WDR91: variants seen among roughly 807,000 people sequenced by gnomAD.
WDR91 encodes WD repeat-containing protein 91.
WDR91 carries 52 observed loss-of-function variants against 88.4 expected under a neutral mutation model. The ratio of observed to expected loss-of-function variants is 0.59; its 90% CI spans 0.47 to 0.74. The LOEUF (loss-of-function observed/expected upper bound fraction) is 0.74. Ranked by LOEUF, WDR91 falls within the 30% of genes least tolerant of loss-of-function variation. The probability of loss-of-function intolerance (pLI) is 0.00; values close to 1 mark genes in which losing one functional copy is unlikely to be tolerated. For synonymous variants in WDR91, 362 were observed against 389.5 expected (o/e 0.93, Z 0.83); for missense variants, 824 against 954.5 (o/e 0.86, Z 1.80).
At position 135,198,112 on chromosome 7, in the gene WDR91, C is replaced by G. The variant is rs764956783; in HGVS notation, c.931G>C (p.Gly311Arg). The change falls in exon 7 of 15, where the codon GGG becomes CGG. Residue 311 changes from glycine to arginine, a missense_variant. By Grantham distance (125) the Gly-to-Arg change is moderately radical. Coordinates refer to ENST00000354475, the MANE Select transcript of WDR91 (RefSeq NM_014149.4). ...GKDPTSGAKD[G>R]KSLLSGLATG... ...GCCAGCCCGCTGAGGAGGCTCTTCCCATCCTTGGCTCCGGACGTCGGGTCC... is the reference window on the plus strand; with the variant it reads ...GCCAGCCCGCTGAGGAGGCTCTTCCGATCCTTGGCTCCGGACGTCGGGTCC... 1.4e-4 allele frequency: 222 copies of G among 1,613,684 alleles called. No homozygotes were observed. The highest frequency in any genetic ancestry group is 1.8e-4 in the Non-Finnish European group (216 of 1,179,774).
In WDR91 at chr7:135,189,414, G is replaced by C. The variant is rs992305737; in HGVS notation, c.1698C>G (p.Asn566Lys). The change falls in exon 12 of 15, where the codon AAC (asparagine) becomes AAG (lysine). Residue 566 changes from asparagine (N) to lysine (K), a missense_variant. By Grantham distance (94) the Asn-to-Lys change is moderately conservative. Coordinates refer to ENST00000354475, the MANE Select transcript of WDR91 (RefSeq NM_014149.4). ...TCCCGTTGTGATTGAAGGCTGTACAGTTGATAGCAATGGGTTCTGGATCCA... is the reference window on the plus strand; with the variant it reads ...TCCCGTTGTGATTGAAGGCTGTACACTTGATAGCAATGGGTTCTGGATCCA... ...FSLDPEPIAINCTAFNHNGNL... is the reference protein window; with the variant it reads ...FSLDPEPIAIKCTAFNHNGNL... 1.2e-6 allele frequency: 2 copies of C among 1,613,888 alleles called. No individual in the cohort carries two copies. The highest frequency in any genetic ancestry group is 1.7e-6 in the Non-Finnish European group (2 of 1,179,888).
intron 14 of WDR91, among the ~76,000 whole-genome samples, chr7:135,186,526 G>T (rs1177159917): frequency 6.6e-6 from 1 of 152,192 alleles, no homozygotes; most frequent in African/African-American, 2.4e-5. Flanking sequence ...TCCCTGAGCG[G>T]CTCCTTAAAA....
chr7:135,187,127 C>G lies in WDR91; in HGVS notation c.1924G>C (p.Glu642Gln). ...GTGGCATCTGAGGGGAGGCTGTACT[C>G]GGATACCTTGAGGCCACTCTTGTGG... ...NIHKSGLKVS[E>Q]YSLPSDATGP... is the part of the protein sequence containing the mutation. Residue 642 changes from glutamate to glutamine, a missense_variant, in exon 14 of 15, where the codon GAG (glutamate) becomes CAG (glutamine). Coordinates refer to ENST00000354475, the MANE Select transcript of WDR91 (RefSeq NM_014149.4). The G allele has an allele frequency of 1.2e-6, 2 of 1,614,238 alleles. No individual in the cohort carries two copies. Among genetic ancestry groups the G allele is most frequent in the African/African-American group, 1.3e-5 (1 of 75,062 alleles).
rs1228770109 is a variant in WDR91, at chr7:135,208,972, C to T, written c.330G>A (p.Glu110=). 6.2e-7 allele frequency: 1 copy of T among 1,613,962 alleles called. No individual in the cohort carries two copies. Among genetic ancestry groups the T allele is most frequent in the Non-Finnish European group, 8.5e-7 (1 of 1,179,984 alleles). ...GTTCCGTGGCCTGCTTTGCAAAGAA[C>T]TCCTGAGCCTTGTCATTTCTGTTTG... ...IQTNRNDKAQ[E]FFAKQATELQ... is the part of the protein sequence containing the mutation. Residue 110 remains glutamate, a synonymous_variant, in exon 3 of 15, where the codon GAG becomes GAA. Coordinates refer to ENST00000354475, the MANE Select transcript of WDR91 (RefSeq NM_014149.4).
intron 6 of WDR91, chr7:135,199,168 T>A (rs1831481626): frequency 6.6e-6 from 1 of 152,224 alleles, no homozygotes; most frequent in Non-Finnish European, 1.5e-5. Flanking sequence ...GTAAATAATT[T>A]AAAATGATTA....
At chr7:135,207,267 A>G in intron 3 of WDR91, 65 bp from the exon 4 acceptor site, 1 of 1,379,662 alleles carries the variant, frequency 7.2e-7, no homozygotes, top group Non-Finnish European at 1.0e-6. Flanking sequence ...AACCCTTGAC[A>G]CACCAGTAAA....
chr7:135,196,062 A>G lies in WDR91; in HGVS notation c.1244+82T>C. ...CTCGTCCAAGCCCCCATTCTCCGCC[A>G]TCTCCTGCTGGCCACACCTCCACGT... On this transcript the variant is annotated intron_variant, in intron 8 of 14. Coordinates refer to ENST00000354475, the MANE Select transcript of WDR91 (RefSeq NM_014149.4). This position sits in a 1 kb window ranked among gnomAD's most constrained non-coding sequence, Gnocchi z 4.2. 4 of 1,355,682 alleles carry G rather than the reference A, an allele frequency of 3.0e-6. No homozygotes were observed. The highest frequency in any genetic ancestry group is 2.7e-5 in the Admixed American group (1 of 37,308). 84.0% of individuals were successfully genotyped at this position (1,355,682 alleles called of 1,614,324 possible). A position where few individuals can be genotyped will look rare whatever the true frequency, so the allele number is the denominator to read the frequency against.
At position 135,208,798 on chromosome 7, in the gene WDR91, C is replaced by T. The variant is rs772314507; in HGVS notation, c.504G>A (p.Gln168=). 3 of 1,605,964 alleles carry T rather than the reference C, an allele frequency of 1.9e-6. No individual in the cohort carries two copies. Among genetic ancestry groups the T allele is most frequent in the Admixed American group, 3.4e-5 (2 of 59,674 alleles). ...AGGCAACTGAAAGGATATGCATGCA[C>T]TGAAACAGGACGCTCAGGAAGTTGT... ...SLHNFLSVLF[Q]CMPVPVILNF... is the part of the protein sequence containing the mutation. The change falls in exon 3 of 15, where the codon CAG becomes CAA. Residue 168 remains glutamine (Q), a synonymous_variant. Transcript: ENST00000354475.
Position 135,196,026 on chromosome 7 carries a change from T to A in WDR91, c.1244+118A>T. The stretch of plus-strand genomic sequence containing the variant: ...ACCGACTCCCATGACTCTACTGCCA[T>A]GACTGTGGCCCTCGTCCAAGCCCCC... On this transcript the variant is annotated intron_variant, in intron 8 of 14. Transcript: ENST00000354475. The surrounding 1 kb of genome is among the most constrained non-coding windows in gnomAD (Gnocchi z 4.2). 1 of 1,015,746 alleles carries A rather than the reference T, an allele frequency of 9.8e-7. No homozygotes were observed. The highest frequency in any genetic ancestry group is 1.4e-6 in the Non-Finnish European group (1 of 720,690). The allele number at this position is 1,015,746 out of a possible 1,614,324, so 62.9% of individuals were successfully genotyped here. A position where few individuals can be genotyped will look rare whatever the true frequency, so the allele number is the denominator to read the frequency against.
In WDR91 at chr7:135,196,185, C is replaced by T; in HGVS notation, c.1203G>A (p.Gln401=). 6.3e-7 allele frequency: 1 copy of T among 1,598,140 alleles called. No individual in the cohort carries two copies. The highest frequency in any genetic ancestry group is 8.5e-7 in the Non-Finnish European group (1 of 1,171,490). ...RPEQPFIVLG[Q]EEYGEHHSSI... is the part of the protein sequence containing the mutation. ...ATGAGTGGTGTTCCCCGTACTCCTC[C>T]TGTCCCAGCACAATAAAGGGCTGCT... The change falls in exon 8 of 15, where the codon CAG becomes CAA. Residue 401 remains glutamine (Q), a synonymous_variant. Transcript: ENST00000354475. This position sits in a 1 kb window ranked among gnomAD's most constrained non-coding sequence, Gnocchi z 4.2.
chr7:135,193,209 G>C, intron 11 of WDR91, 22 bp downstream of exon 11: 1 of 1,611,072 alleles, frequency 6.2e-7, no homozygotes, highest in East Asian at 2.2e-5. Context: ...GCCCCAGAGA[G>C]AGCCACAGGG....
At chr7:135,209,446 T>C in intron 2 of WDR91, 130 bp downstream of exon 2, 1 of 861,032 alleles carries the variant, frequency 1.2e-6, no homozygotes, top group South Asian at 2.9e-5. Flanking sequence ...CAAAAATAAT[T>C]GCACTGTAAC....
At chr7:135,210,930 C>T (rs369023069) in intron 1 of WDR91, 2 of 703,428 alleles carry the variant, frequency 2.8e-6, no homozygotes, top group African/African-American at 3.5e-5. Flanking sequence ...GCCGATGAGT[C>T]CCTGACGAGG....
At position 135,187,985 on chromosome 7, in the gene WDR91, C is replaced by T. The variant is rs77749990; in HGVS notation, c.1881+448G>A. Among the ~76,000 whole-genome samples, 686 of 152,330 alleles carry T rather than the reference C, an allele frequency of 4.5e-3. 30 individuals carry two copies. In the East Asian group the frequency reaches 0.11, roughly 24 times the overall value. On this transcript the variant is annotated intron_variant, in intron 13 of 14. Transcript: ENST00000354475. ...GCAGTCACTATTCCTAGTTCCTAAC[C>T]CTCCACAGAGGGAATCTACCAGGGG...
intron 11 of WDR91, 91 bp from the exon 12 acceptor site, chr7:135,189,543 G>A: frequency 9.9e-7 from 1 of 1,008,756 alleles, no homozygotes; most frequent in Non-Finnish European, 1.5e-6. Context: ...CCCAGACTGG[G>A]TTTTCCACCA....
At chr7:135,207,976 G>C (rs573109051) in intron 3 of WDR91, among the ~76,000 whole-genome samples, 9 of 152,354 alleles carry the variant, frequency 5.9e-5, no homozygotes, top group South Asian at 4.1e-4. Flanking sequence ...AGGCAGTTCT[G>C]GCAAGGGTGG....
intron 11 of WDR91, among the ~76,000 whole-genome samples, chr7:135,191,195 G>A (rs1051520513): frequency 6.6e-6 from 1 of 152,182 alleles, no homozygotes; most frequent in Non-Finnish European, 1.5e-5. Flanking sequence ...TGGAATACAA[G>A]AAGCTATTCT....
intron 9 of WDR91, 143 bp from the exon 10 acceptor site, chr7:135,193,815 G>C: frequency 3.1e-6 from 2 of 645,942 alleles, no homozygotes; most frequent in Non-Finnish European, 5.4e-6. Flanking sequence ...GGGAAATCTG[G>C]CTACAATGAG....
Position 135,211,515 on chromosome 7 carries a change from G to C in WDR91, c.-13C>G. 3.1e-6 allele frequency: 5 copies of C among 1,610,308 alleles called. No homozygotes were observed. Among genetic ancestry groups the C allele is most frequent in the Non-Finnish European group, 4.2e-6 (5 of 1,178,650 alleles). ...CGGCCTCCGCCATCGCAGCGCTAGC[G>C]TCTTTAGGGGTGGTGCGGTGAGGGA... On this transcript the variant is annotated 5_prime_UTR_variant, in exon 1 of 15. Coordinates refer to ENST00000354475, the MANE Select transcript of WDR91 (RefSeq NM_014149.4).
Sources: allele counts gnomAD v4.1 joint callset (sites outside exome capture counted in the v4.1 genomes callset), GRCh38; gene constraint gnomAD v4.1.1; non-coding constraint Gnocchi (gnomAD v3.1); transcripts MANE v1.5; gene names NCBI Gene and HGNC (gene_info 2026-07-23, HGNC 2026-07-21).